Variants in STRAP observed in about 807,000 individuals in gnomAD.
STRAP encodes the protein serine/threonine kinase receptor associated protein.
In STRAP, 16 loss-of-function variants were observed where a neutral mutation model predicts 47.0. The observed-to-expected ratio is 0.34, with a 90% CI of 0.23 to 0.52. The LOEUF is 0.52. STRAP is among the 20% of genes least tolerant of loss of function. The pLI is 0.96. For missense variants in STRAP, 293 were observed against 420.0 expected (o/e 0.70, Z 2.64); for synonymous variants, 130 against 142.7 (o/e 0.91, Z 0.63).
chr12:15,901,042 A>C (rs761151233), intron 9 of STRAP, 30 bp downstream of exon 9: 1 of 1,515,402 alleles, frequency 6.6e-7, no homozygotes, highest in East Asian at 2.4e-5. Flanking sequence ...CTTTTGTAAG[A>C]GTCTTGGGGG....
chr12:15,902,802 TA>T, intron 9 of STRAP, 114 bp from the exon 10 acceptor site: 1 of 1,282,858 alleles, frequency 7.8e-7, no homozygotes, highest in Non-Finnish European at 1.0e-6. Context: ...CTTACCACAG[TA>T]TGCTTTACAA....
rs1002820415 is a variant in STRAP, at chr12:15,894,598, T to C, written c.500+455T>C. ...GTCACATTTATCTGGAGCTATCTATTTACTAATACAGGTTGAGTATCCCTA... is the reference window on the plus strand; with the variant it reads ...GTCACATTTATCTGGAGCTATCTATCTACTAATACAGGTTGAGTATCCCTA... On this transcript the variant is annotated intron_variant, in intron 5 of 9. Transcript: ENST00000419869. The surrounding 1 kb of genome is among the most constrained non-coding windows in gnomAD (Gnocchi z 4.9). Among the ~76,000 whole-genome samples the C allele has an allele frequency of 6.6e-6, 1 of 152,252 alleles. No homozygotes were observed. The highest frequency in any genetic ancestry group is 2.4e-5 in the African/African-American group (1 of 41,468).
At chr12:15,889,671 A>C (rs1174175930) in intron 2 of STRAP, among the ~76,000 whole-genome samples, 1 of 152,162 alleles carries the variant, frequency 6.6e-6, no homozygotes, top group African/African-American at 2.4e-5. Flanking sequence ...TAAATTGTTC[A>C]TATCTTTTCC....
chr12:15,894,220 G>T lies in STRAP; in HGVS notation c.500+77G>T, dbSNP rs1224013995. The T allele has an allele frequency of 3.4e-6, 4 of 1,182,806 alleles. No homozygotes were observed. Among genetic ancestry groups the T allele is most frequent in the Non-Finnish European group, 5.0e-6 (4 of 803,920 alleles). 73.3% of individuals were successfully genotyped at this position (1,182,806 alleles called of 1,614,324 possible). A position where few individuals can be genotyped will look rare whatever the true frequency, so the allele number is the denominator to read the frequency against. On this transcript the variant is annotated intron_variant, in intron 5 of 9. Coordinates refer to ENST00000419869, the MANE Select transcript of STRAP (RefSeq NM_007178.4). This position sits in a 1 kb window ranked among gnomAD's most constrained non-coding sequence, Gnocchi z 4.9. ...CACGCCTATAATCTCAGCACTTTGGGAGGCGAGCCGGGTGGATCATTAGAG... is the reference window on the plus strand; with the variant it reads ...CACGCCTATAATCTCAGCACTTTGGTAGGCGAGCCGGGTGGATCATTAGAG...
At chr12:15,895,268 T>C in intron 5 of STRAP, 91 bp from the exon 6 acceptor site, 1 of 1,012,724 alleles carries the variant, frequency 9.9e-7, no homozygotes, top group Non-Finnish European at 1.4e-6. Flanking sequence ...ATTGTGATTG[T>C]TCTTTCGTTG....
chr12:15,895,578 T>G, intron 6 of STRAP, 82 bp downstream of exon 6: 1 of 1,492,352 alleles, frequency 6.7e-7, no homozygotes, highest in East Asian at 2.4e-5. Context: ...GGTATTTACT[T>G]TTTTTAAAAG....
chr12:15,899,600 A>G (rs1037414457), intron 7 of STRAP, among the ~76,000 whole-genome samples: 12 of 152,356 alleles, frequency 7.9e-5, no homozygotes, highest in African/African-American at 2.9e-4. Context: ...TACTTTCTAT[A>G]GAATTAATGG....
intron 1 of STRAP, chr12:15,883,037 A>G: frequency 6.5e-7 from 1 of 1,533,090 alleles, no homozygotes; most frequent in Non-Finnish European, 8.7e-7. Flanking sequence ...TATTACCTCC[A>G]ACTAAGACCT....
chr12:15,891,110 A>G (rs903881701), intron 4 of STRAP, among the ~76,000 whole-genome samples: 4 of 152,022 alleles, frequency 2.6e-5, no homozygotes, highest in Non-Finnish European at 5.9e-5. Flanking sequence ...GTAATTCATC[A>G]GTTTTTGGTT....
At chr12:15,886,680 C>A (rs1344300625) in intron 2 of STRAP, among the ~76,000 whole-genome samples, 2 of 152,040 alleles carry the variant, frequency 1.3e-5, no homozygotes, top group African/African-American at 4.8e-5. Context: ...TGTATTCTCT[C>A]CAAGAAGTTA....
chr12:15,884,194 A>G (rs1947948891), intron 2 of STRAP, among the ~76,000 whole-genome samples: 1 of 152,206 alleles, frequency 6.6e-6, no homozygotes, highest in Non-Finnish European at 1.5e-5. Context: ...TTATATCTAG[A>G]TTATCATCAT....
chr12:15,900,799 A>G, intron 8 of STRAP, 148 bp from the exon 9 acceptor site: 1 of 522,024 alleles, frequency 1.9e-6, no homozygotes, highest in Non-Finnish European at 3.1e-6. Flanking sequence ...TATTTTTAGA[A>G]TCACAGTTAT....
At position 15,895,523 on chromosome 12, in the gene STRAP, C is replaced by G. The variant is rs777974094; in HGVS notation, c.638+27C>G. 1.1e-5 allele frequency: 18 copies of G among 1,569,318 alleles called. No individual in the cohort carries two copies. The Admixed American group carries it at 3.4e-4, about 29-fold the overall frequency. On this transcript the variant is annotated intron_variant, in intron 6 of 9. Transcript: ENST00000419869. ...TATGTCCAAGAAATACTTTCATTTTCTTTTTTAGGTAACAAAAGACATTTT... is the reference window on the plus strand; with the variant it reads ...TATGTCCAAGAAATACTTTCATTTTGTTTTTTAGGTAACAAAAGACATTTT...
chr12:15,883,146 G>T, intron 1 of STRAP: 8 of 1,535,544 alleles, frequency 5.2e-6, no homozygotes, highest in Non-Finnish European at 7.0e-6. Context: ...AGGATTTGGG[G>T]AAAGGAGAAA....
intron 4 of STRAP, 103 bp from the exon 5 acceptor site, chr12:15,893,944 C>G: frequency 1.1e-6 from 1 of 927,692 alleles, no homozygotes; most frequent in Non-Finnish European, 1.7e-6. Flanking sequence ...AAGTTGCAGT[C>G]TAATTTAAAA....
chr12:15,900,131 A>G lies in STRAP; in HGVS notation c.925+78A>G, dbSNP rs1032775941. The G allele has an allele frequency of 1.3e-4, 187 of 1,399,336 alleles. 9 individuals carry two copies. The South Asian group carries it at 2.5e-3, about 19-fold the overall frequency. The allele number at this position is 1,399,336 out of a possible 1,614,324, so 86.7% of individuals were successfully genotyped here. A position where few individuals can be genotyped will look rare whatever the true frequency, so the allele number is the denominator to read the frequency against. ...CATTTTTAATCATTAATTTTATTTC[A>G]GGGTTCCTGTTTTCTATAAATTTTA... On this transcript the variant is annotated intron_variant, in intron 8 of 9. Transcript: ENST00000419869.
chr12:15,888,705 A>G (rs1376804377), intron 2 of STRAP, among the ~76,000 whole-genome samples: 2 of 152,050 alleles, frequency 1.3e-5, no homozygotes, highest in African/African-American at 2.4e-5. Context: ...GACAATATCT[A>G]GGTGCTTTTT....
intron 4 of STRAP, among the ~76,000 whole-genome samples, chr12:15,893,302 A>G (rs1160073823): frequency 1.3e-5 from 2 of 151,820 alleles, no homozygotes; most frequent in Non-Finnish European, 2.9e-5. Flanking sequence ...CTGCTTGGAT[A>G]AACGTCCCAG....
At chr12:15,898,385 T>C (rs908834958) in intron 7 of STRAP, 1 of 162,628 alleles carries the variant, frequency 6.1e-6, no homozygotes, top group South Asian at 1.7e-4. Context: ...CTGAACTATG[T>C]TGTGGGTGTA....
Sources: gnomAD v4.1 joint callset for allele counts (sites outside exome capture counted in the v4.1 genomes callset) on GRCh38, gnomAD v4.1.1 for gene constraint, Gnocchi (gnomAD v3.1) non-coding constraint, MANE v1.5 for transcripts, NCBI Gene and HGNC (gene_info 2026-07-23, HGNC 2026-07-21) for gene names.